RYR2: variants seen among roughly 807,000 people sequenced by gnomAD.
RYR2 encodes cardiac muscle ryanodine receptor-calcium release channel.
In RYR2, 227 loss-of-function variants were observed where a neutral mutation model predicts 601.1. The ratio of observed to expected loss-of-function variants is 0.38; its 90% confidence interval spans 0.34 to 0.42. RYR2 has a LOEUF of 0.42. Ranked by LOEUF, RYR2 falls within the 10% of genes least tolerant of loss-of-function variation. RYR2 has a pLI of 1.00. For missense variants in RYR2, 4,646 were observed against 6,156.5 expected, an observed-to-expected ratio of 0.75 and a Z score of 8.21; for synonymous variants, 2,223 against 2,175.1, an observed-to-expected ratio of 1.02 and a Z score of -0.61.
intron 25 of RYR2, among the ~76,000 whole-genome samples, chr1:237,546,619 G>T (rs554671232): frequency 2.6e-5 from 4 of 151,952 alleles, no homozygotes; most frequent in African/African-American, 9.7e-5. Flanking sequence ...GACCTCAAGC[G>T]ATCCACCTGC....
At chr1:237,378,056 G>T (rs1223244697) in intron 8 of RYR2, among the ~76,000 whole-genome samples, 1 of 152,200 alleles carries the variant, frequency 6.6e-6, no homozygotes, top group Non-Finnish European at 1.5e-5. Context: ...AAAGAGGTTT[G>T]TTGGACTTAC....
At chr1:237,161,582 T>G (rs751906971) in intron 1 of RYR2, among the ~76,000 whole-genome samples, 1 of 151,632 alleles carries the variant, frequency 6.6e-6, no homozygotes, top group Non-Finnish European at 1.5e-5. Flanking sequence ...GTATTTCAAA[T>G]TGTGAAATTA....
At chr1:237,066,956 G>A (rs574412715) in intron 1 of RYR2, among the ~76,000 whole-genome samples, 29 of 152,234 alleles carry the variant, frequency 1.9e-4, no homozygotes, top group African/African-American at 7.0e-4. Context: ...TTTAAAAGTC[G>A]AATGTCTTTT....
chr1:237,544,797 C>A (rs183704095), intron 25 of RYR2, among the ~76,000 whole-genome samples: 127 of 152,170 alleles, frequency 8.3e-4, no homozygotes, highest in African/African-American at 2.6e-3. Context: ...ACAGAAAATT[C>A]GTTTCATAAA....
intron 8 of RYR2, among the ~76,000 whole-genome samples, chr1:237,384,465 C>T (rs905344344): frequency 1.3e-5 from 2 of 152,244 alleles, no homozygotes; most frequent in African/African-American, 2.4e-5. Context: ...TTTGTGCTCA[C>T]GCTCTTGTCT....
At chr1:237,619,176 G>A (rs1265051544) in intron 38 of RYR2, among the ~76,000 whole-genome samples, 1 of 152,088 alleles carries the variant, frequency 6.6e-6, no homozygotes, top group African/African-American at 2.4e-5. Context: ...AAGAACCAAG[G>A]AAAACTTGAA....
intron 92 of RYR2, among the ~76,000 whole-genome samples, chr1:237,789,581 A>C (rs1658115050): frequency 7.2e-6 from 1 of 139,248 alleles, no homozygotes; most frequent in Admixed American, 6.8e-5. Flanking sequence ...CTGCAGGTAT[A>C]GTTCTATTAT....
intron 64 of RYR2, among the ~76,000 whole-genome samples, 185 bp downstream of exon 64, chr1:237,699,210 A>G (rs1687749971): frequency 6.6e-6 from 1 of 152,150 alleles, no homozygotes; most frequent in Non-Finnish European, 1.5e-5. Flanking sequence ...ATGATCATAT[A>G]TAGATTATTA....
At chr1:237,711,965 G>A in intron 71 of RYR2, 128 bp downstream of exon 71, 2 of 619,192 alleles carry the variant, frequency 3.2e-6, no homozygotes, top group Non-Finnish European at 5.8e-6. Flanking sequence ...GTTATAAATT[G>A]GTTCAAATAT....
intron 17 of RYR2, among the ~76,000 whole-genome samples, chr1:237,476,368 G>A (rs1371720272): frequency 1.3e-5 from 2 of 152,066 alleles, no homozygotes; most frequent in Non-Finnish European, 2.9e-5. Flanking sequence ...AAATTAGCCA[G>A]GCATGGTGGC....
At chr1:237,517,662 G>C (rs1157875615) in intron 24 of RYR2, among the ~76,000 whole-genome samples, 1 of 151,818 alleles carries the variant, frequency 6.6e-6, no homozygotes, top group African/African-American at 2.4e-5. Context: ...TTATTTTTTA[G>C]AGCAGATTTA....
At chr1:237,377,197 G>A (rs1572044569) in intron 7 of RYR2, 126 bp from the exon 8 acceptor site, 1 of 587,900 alleles carries the variant, frequency 1.7e-6, no homozygotes, top group Non-Finnish European at 2.9e-6. Context: ...CTCTTTTCAT[G>A]GTGTAAGAGA....
At chr1:237,576,437 A>G (rs965219458) in intron 29 of RYR2, among the ~76,000 whole-genome samples, 1 of 152,198 alleles carries the variant, frequency 6.6e-6, no homozygotes, top group African/African-American at 2.4e-5. Flanking sequence ...GAGATGCCAG[A>G]AACATAGAAC....
intron 42 of RYR2, among the ~76,000 whole-genome samples, chr1:237,632,954 A>C (rs1358577578): frequency 6.6e-6 from 1 of 152,158 alleles, no homozygotes; most frequent in African/African-American, 2.4e-5. Flanking sequence ...GAAGAACTCC[A>C]GAGAGTATCT....
intron 10 of RYR2, among the ~76,000 whole-genome samples, chr1:237,403,253 T>C (rs191302810): frequency 6.6e-5 from 10 of 152,278 alleles, no homozygotes; most frequent in Non-Finnish European, 1.0e-4. Flanking sequence ...TGCTGAAAAG[T>C]AAACACAAAA....
intron 60 of RYR2, among the ~76,000 whole-genome samples, chr1:237,676,775 G>T (rs1320625350): frequency 6.6e-6 from 1 of 152,018 alleles, no homozygotes; most frequent in South Asian, 2.1e-4. Context: ...TCTAATTGTT[G>T]TATAATACCG....
chr1:237,634,360 G>A (rs1011472847), intron 43 of RYR2, among the ~76,000 whole-genome samples: 1 of 152,134 alleles, frequency 6.6e-6, no homozygotes, highest in African/African-American at 2.4e-5. Flanking sequence ...TAAGCTACGT[G>A]TAGAAAGACA....
intron 35 of RYR2, among the ~76,000 whole-genome samples, chr1:237,607,765 T>C (rs1040593235): frequency 6.6e-6 from 1 of 152,180 alleles, no homozygotes; most frequent in East Asian, 1.9e-4. Flanking sequence ...ATTTTGCAAT[T>C]GTAAAGTTGA....
At chr1:237,795,141 TATGTG>T in intron 95 of RYR2, 143 bp from the exon 96 acceptor site, 1 of 464,674 alleles carries the variant, frequency 2.2e-6, no homozygotes, top group South Asian at 3.5e-5. Context: ...TGCAGGAAAT[TATGTG>T]ATGTTAGCCA....
Sources: gnomAD v4.1 joint callset for allele counts (sites outside exome capture counted in the v4.1 genomes callset) on GRCh38, gnomAD v4.1.1 for gene constraint, MANE v1.5 for transcripts, NCBI Gene and HGNC (gene_info 2026-07-23, HGNC 2026-07-21) for gene names.